Variants in PRR16 observed in about 807,000 individuals in gnomAD.
PRR16 encodes the protein proline rich 16.
In PRR16, 6 loss-of-function variants were observed where a neutral mutation model predicts 18.2. The observed-to-expected ratio is 0.33, with a 90% CI of 0.18 to 0.65. The LOEUF is 0.65. Among genes scored for constraint, PRR16 ranks in the 30% least tolerant of loss-of-function variants. The pLI, the probability that PRR16 is intolerant of heterozygous loss-of-function variation, is 0.74. For synonymous variants in PRR16, 151 were observed against 147.8 expected (o/e 1.02, Z -0.16); for missense variants, 412 against 376.6 (o/e 1.09, Z -0.78).
chr5:120,618,799 A>G (rs1276288856), intron 1 of PRR16, among the ~76,000 whole-genome samples: 1 of 151,688 alleles, frequency 6.6e-6, no homozygotes, highest in Non-Finnish European at 1.5e-5. Flanking sequence ...AAGCTATACA[A>G]CTCTGATATT....
chr5:120,791,658 C>CT, the PRR16 span, among the ~76,000 whole-genome samples: 43 of 150,716 alleles, frequency 2.9e-4, no homozygotes, highest in African/African-American at 7.6e-4. Context: ...ATCTATCTAT[C>CT]ATCTATCTAT....
At chr5:120,730,251 A>G in the PRR16 span, among the ~76,000 whole-genome samples, 1 of 152,144 alleles carries the variant, frequency 6.6e-6, no homozygotes, top group African/African-American at 2.4e-5. Flanking sequence ...CTACAGGATG[A>G]ATTCTCAGGC....
At chr5:120,786,997 G>GGT in the PRR16 span, among the ~76,000 whole-genome samples, 1 of 152,080 alleles carries the variant, frequency 6.6e-6, no homozygotes, top group South Asian at 2.1e-4. Context: ...ATGGTTTTAA[G>GGT]CCAAGTCATT....
the PRR16 span, among the ~76,000 whole-genome samples, chr5:120,740,865 T>C: frequency 2.0e-5 from 3 of 152,170 alleles, no homozygotes; most frequent in African/African-American, 7.2e-5. Flanking sequence ...TAAAATGTTA[T>C]TTTTATTGTA....
chr5:120,488,423 A>G (rs569133346), intron 1 of PRR16, among the ~76,000 whole-genome samples: 7 of 152,108 alleles, frequency 4.6e-5, no homozygotes, highest in South Asian at 2.1e-4. Context: ...TAGATTTTCT[A>G]GTTTATTTGT....
the PRR16 span, among the ~76,000 whole-genome samples, chr5:120,693,997 T>C: frequency 6.6e-6 from 1 of 152,238 alleles, no homozygotes; most frequent in African/African-American, 2.4e-5. Context: ...TATCTTCTAT[T>C]ACCACCCAGT....
At chr5:120,475,287 A>G (rs971966136) in intron 1 of PRR16, among the ~76,000 whole-genome samples, 7 of 152,046 alleles carry the variant, frequency 4.6e-5, no homozygotes, top group Non-Finnish European at 8.8e-5. Flanking sequence ...TTGCTCTGCT[A>G]TTTTTCAGTC....
At chr5:120,515,322 T>A (rs1180308234) in intron 1 of PRR16, among the ~76,000 whole-genome samples, 1 of 152,176 alleles carries the variant, frequency 6.6e-6, no homozygotes, top group East Asian at 1.9e-4. Flanking sequence ...CACCTCTCAA[T>A]ACATTTGCAC....
At chr5:120,754,948 C>T in the PRR16 span, among the ~76,000 whole-genome samples, 1 of 148,088 alleles carries the variant, frequency 6.8e-6, no homozygotes, top group Non-Finnish European at 1.5e-5. Context: ...ATAGAGTGTA[C>T]AAACCAGAGA....
At chr5:120,558,583 T>C (rs1280879801) in intron 1 of PRR16, among the ~76,000 whole-genome samples, 2 of 152,004 alleles carry the variant, frequency 1.3e-5, no homozygotes, top group African/African-American at 2.4e-5. Context: ...AAGTCTTGGC[T>C]ATTGTGAACA....
chr5:120,677,595 G>A (rs1345562745), intron 1 of PRR16, among the ~76,000 whole-genome samples: 3 of 152,040 alleles, frequency 2.0e-5, no homozygotes, highest in Non-Finnish European at 4.4e-5. Flanking sequence ...GATCTTACAG[G>A]AATCTATAAA....
intron 1 of PRR16, among the ~76,000 whole-genome samples, chr5:120,591,499 T>C (rs952125077): frequency 6.6e-6 from 1 of 151,852 alleles, no homozygotes; most frequent in Non-Finnish European, 1.5e-5. Context: ...TGTATCTGCA[T>C]TTCATGGTGT....
intron 1 of PRR16, among the ~76,000 whole-genome samples, chr5:120,513,151 T>C (rs1411145892): frequency 1.3e-5 from 2 of 152,166 alleles, no homozygotes; most frequent in Non-Finnish European, 2.9e-5. Context: ...TAACCGGTTG[T>C]GGCTGGTTTC....
At chr5:120,553,420 CTTCTTGA>C (rs1752318550) in intron 1 of PRR16, among the ~76,000 whole-genome samples, 1 of 151,808 alleles carries the variant, frequency 6.6e-6, no homozygotes, top group Non-Finnish European at 1.5e-5. Flanking sequence ...ATTTTGGCAG[CTTCTTGA>C]TTTTGTTGTG....
At chr5:120,515,720 A>G (rs1242020043) in intron 1 of PRR16, among the ~76,000 whole-genome samples, 1 of 152,214 alleles carries the variant, frequency 6.6e-6, no homozygotes, top group Non-Finnish European at 1.5e-5. Context: ...CAAATGATAA[A>G]TACAGCATGT....
the PRR16 span, among the ~76,000 whole-genome samples, chr5:120,785,575 G>GTTGTTTTTTTTTTT: frequency 0.024 from 2,736 of 114,732 alleles, 166 homozygotes; most frequent in African/African-American, 0.069. Flanking sequence ...TGTTGTTGTT[G>GTTGTTTTTTTTTTT]TTTTTTTTTT....
At chr5:120,709,752 G>A in the PRR16 span, among the ~76,000 whole-genome samples, 17 of 151,998 alleles carry the variant, frequency 1.1e-4, no homozygotes, top group South Asian at 1.5e-3. Flanking sequence ...CTTTCTATGC[G>A]TGATTTATTT....
At chr5:120,525,983 G>A (rs1751333446) in intron 1 of PRR16, among the ~76,000 whole-genome samples, 1 of 152,162 alleles carries the variant, frequency 6.6e-6, no homozygotes, top group African/African-American at 2.4e-5. Flanking sequence ...AACCAGATCT[G>A]AAGAAAAAAT....
the PRR16 span, among the ~76,000 whole-genome samples, chr5:120,782,015 A>G: frequency 1.3e-5 from 2 of 152,196 alleles, no homozygotes; most frequent in African/African-American, 4.8e-5. Context: ...GCATATAAAT[A>G]GTTCAAGGCA....
Sources: gnomAD v4.1 joint callset for allele counts (sites outside exome capture counted in the v4.1 genomes callset) on GRCh38, gnomAD v4.1.1 for gene constraint, MANE v1.5 for transcripts, NCBI Gene and HGNC (gene_info 2026-07-23, HGNC 2026-07-21) for gene names.